The following CREB1 variants were observed in gnomAD, a reference collection of about 807,000 sequenced individuals.
CREB1 encodes the protein cyclic AMP-responsive element-binding protein 1.
In CREB1, 2 loss-of-function variants were observed where a neutral mutation model predicts 42.0. The ratio of observed to expected loss-of-function variants is 0.05; its 90% CI spans 0.02 to 0.15. The LOEUF (loss-of-function observed/expected upper bound fraction) is 0.15, where lower values mean the gene tolerates loss of function less well. Ranked by LOEUF, CREB1 falls within the 10% of genes least tolerant of loss-of-function variation. CREB1 has a pLI of 1.00. For synonymous variants in CREB1, 123 were observed against 139.9 expected (o/e 0.88, Z 0.85); for missense variants, 199 against 388.9 (o/e 0.51, Z 4.11).
intron 2 of CREB1, among the ~76,000 whole-genome samples, chr2:207,558,829 G>C (rs900185436): frequency 2.0e-5 from 3 of 152,006 alleles, no homozygotes; most frequent in African/African-American, 7.2e-5. Flanking sequence ...TTTTAGTAGA[G>C]ATGGGGTTTC....
chr2:207,593,695 A>G (rs1030896192), intron 7 of CREB1, among the ~76,000 whole-genome samples: 1 of 150,012 alleles, frequency 6.7e-6, no homozygotes, highest in Non-Finnish European at 1.5e-5. Flanking sequence ...CTTTACATAT[A>G]TTAACTCATT....
intron 1 of CREB1, among the ~76,000 whole-genome samples, chr2:207,543,896 G>T (rs923397887): frequency 6.9e-6 from 1 of 145,302 alleles, no homozygotes; most frequent in South Asian, 2.2e-4. Flanking sequence ...GAGCCACGGC[G>T]CCCAGCCAAA....
chr2:207,596,223 T>C (rs999556734), intron 7 of CREB1, among the ~76,000 whole-genome samples: 9 of 152,344 alleles, frequency 5.9e-5, no homozygotes, highest in African/African-American at 1.9e-4. Flanking sequence ...TTGAAGAGAC[T>C]GTTAGATTTT....
chr2:207,582,897 AC>A (rs1215964504), intron 7 of CREB1: 9 of 255,734 alleles, frequency 3.5e-5, no homozygotes, highest in Non-Finnish European at 6.4e-5. Context: ...TCTCAAAAAA[AC>A]AAACAAACAA....
rs530255269 is a variant in CREB1, at chr2:207,554,402, A to C, written c.-8-1226A>C. On this transcript the variant is annotated intron_variant, in intron 1 of 7. Transcript: ENST00000353267. ...CAGAGTTATAAAATAAATGAAATATATTCTGGAAAAGTCATGGGCTTTTTG... is the reference window on the plus strand; with the variant it reads ...CAGAGTTATAAAATAAATGAAATATCTTCTGGAAAAGTCATGGGCTTTTTG... 1.0e-3 allele frequency among the ~76,000 whole-genome samples: 157 copies of C among 152,356 alleles called. 1 individual carries two copies. The highest frequency in any genetic ancestry group is 3.7e-3 in the African/African-American group (153 of 41,592).
At chr2:207,545,731 CTTTTTTT>C (rs11356093) in intron 1 of CREB1, among the ~76,000 whole-genome samples, 1 of 136,884 alleles carries the variant, frequency 7.3e-6, no homozygotes, top group African/African-American at 2.7e-5. Context: ...AGGAAGTGAA[CTTTTTTT>C]TTTTTTTTTT....
rs568416312 is a variant in CREB1, at chr2:207,582,083, A to G, written c.839+4428A>G. On this transcript the variant is annotated intron_variant, in intron 7 of 7. Coordinates refer to ENST00000353267, the MANE Select transcript of CREB1 (RefSeq NM_004379.5). ...TGATCACTTGGTTAAAGTGCTGTCC[A>G]GGTGTCTCCACTGTTGAGCTACCAT... 7.1e-6 allele frequency: 5 copies of G among 702,500 alleles called. No homozygotes were observed. The African/African-American group carries it at 8.7e-5, about 12-fold the overall frequency. 43.5% of individuals were successfully genotyped at this position (702,500 alleles called of 1,614,324 possible). A position where few individuals can be genotyped will look rare whatever the true frequency, so the allele number is the denominator to read the frequency against.
At chr2:207,591,171 G>A (rs1325859658) in intron 7 of CREB1, among the ~76,000 whole-genome samples, 1 of 151,994 alleles carries the variant, frequency 6.6e-6, no homozygotes, top group Non-Finnish European at 1.5e-5. Flanking sequence ...TACTTATTCT[G>A]TCATCTCTGA....
In CREB1 at chr2:207,565,166, G is replaced by T. The variant is rs149786826; in HGVS notation, c.262-2297G>T. 6.6e-3 allele frequency among the ~76,000 whole-genome samples: 1,004 copies of T among 151,828 alleles called. 9 individuals carry two copies. The highest frequency in any genetic ancestry group is 0.014 in the Middle Eastern group (4 of 294). ...TGTTCTTAACATCCTCCCCCAGAAC[G>T]GTACATTTATGTTATAATTTGATGA... On this transcript the variant is annotated intron_variant, in intron 3 of 7. Coordinates refer to ENST00000353267, the MANE Select transcript of CREB1 (RefSeq NM_004379.5).
chr2:207,533,088 T>C (rs73983450), intron 1 of CREB1, among the ~76,000 whole-genome samples: 1,890 of 148,328 alleles, frequency 0.013, 40 homozygotes, highest in African/African-American at 0.044. Flanking sequence ...GCTTGAATCT[T>C]TTTTTTTTTT....
At chr2:207,582,712 G>A (rs1451071819) in intron 7 of CREB1, among the ~76,000 whole-genome samples, 2 of 151,922 alleles carry the variant, frequency 1.3e-5, no homozygotes, top group East Asian at 3.9e-4. Context: ...TGGCCAATAT[G>A]GTGAAACCCT....
chr2:207,538,211 T>C (rs2080952812), intron 1 of CREB1, among the ~76,000 whole-genome samples: 1 of 151,838 alleles, frequency 6.6e-6, no homozygotes, highest in African/African-American at 2.4e-5. Context: ...ATTTGTCTTC[T>C]AGGCTACCAG....
intron 6 of CREB1, chr2:207,576,911 C>G: frequency 1.1e-6 from 1 of 900,158 alleles, no homozygotes; most frequent in Non-Finnish European, 1.3e-6. Context: ...AAAAATAAAA[C>G]TTCAGTTTAT....
intron 7 of CREB1, among the ~76,000 whole-genome samples, chr2:207,591,348 GTCTT>G (rs1466549418): frequency 6.6e-6 from 1 of 152,112 alleles, no homozygotes; most frequent in Non-Finnish European, 1.5e-5. Context: ...ATTATATAAT[GTCTT>G]TCTTTATCCC....
At chr2:207,531,485 T>G (rs1328955751) in intron 1 of CREB1, among the ~76,000 whole-genome samples, 1 of 152,230 alleles carries the variant, frequency 6.6e-6, no homozygotes, top group Non-Finnish European at 1.5e-5. Flanking sequence ...ACATTAAAAA[T>G]TAAAAGACAG....
At chr2:207,574,016 C>T (rs1346839025) in intron 5 of CREB1, among the ~76,000 whole-genome samples, 1 of 152,180 alleles carries the variant, frequency 6.6e-6, no homozygotes, top group Non-Finnish European at 1.5e-5. Context: ...ATAAGTAAAA[C>T]TTCTGGGATT....
At chr2:207,596,012 G>A (rs1419564888) in intron 7 of CREB1, among the ~76,000 whole-genome samples, 2 of 152,106 alleles carry the variant, frequency 1.3e-5, no homozygotes, top group Admixed American at 6.5e-5. Flanking sequence ...TTTTGCTTTT[G>A]TTACCTCTGC....
At chr2:207,540,719 T>C (rs2081068119) in intron 1 of CREB1, among the ~76,000 whole-genome samples, 1 of 150,566 alleles carries the variant, frequency 6.6e-6, no homozygotes, top group Admixed American at 6.6e-5. Context: ...TAGATTCTTT[T>C]ATTGCTTTAC....
At position 207,588,477 on chromosome 2, in the gene CREB1, G is replaced by A. The variant is rs77469994; in HGVS notation, c.840-8437G>A. On this transcript the variant is annotated intron_variant, in intron 7 of 7. Transcript: ENST00000353267. ...TTGATAATGTGAGTCCTCCAACTTTGTTCTTAAAATTGTTTGGCTATTCTG... is the reference window on the plus strand; with the variant it reads ...TTGATAATGTGAGTCCTCCAACTTTATTCTTAAAATTGTTTGGCTATTCTG... Among the ~76,000 whole-genome samples the A allele has an allele frequency of 3.3e-4, 50 of 152,166 alleles. 1 individual carries two copies. The East Asian group carries it at 8.9e-3, about 27-fold the overall frequency.
Sources: allele counts gnomAD v4.1 joint callset (sites outside exome capture counted in the v4.1 genomes callset), GRCh38; gene constraint gnomAD v4.1.1; transcripts MANE v1.5; gene names NCBI Gene and HGNC (gene_info 2026-07-23, HGNC 2026-07-21).